Variants in AUTS2 observed in about 807,000 individuals in gnomAD.
AUTS2 encodes the protein autism susceptibility gene 2 protein.
Under a neutral mutation model 112.4 loss-of-function variants are expected in AUTS2, and 17 were observed. That is an observed-to-expected ratio of 0.15 (90% CI 0.10 to 0.23). The LOEUF (loss-of-function observed/expected upper bound fraction) is 0.23, where lower values mean the gene tolerates loss of function less well. Among genes scored for constraint, AUTS2 ranks in the 10% least tolerant of loss-of-function variants. The pLI is 1.00. For synonymous variants in AUTS2, 751 were observed against 702.7 expected, an observed-to-expected ratio of 1.07 and a Z score of -1.09; for missense variants, 1,510 against 1,701.6, an observed-to-expected ratio of 0.89 and a Z score of 1.98.
chr7:69,696,738 T>A (rs931586122), intron 1 of AUTS2, among the ~76,000 whole-genome samples: 1 of 152,246 alleles, frequency 6.6e-6, no homozygotes, highest in Non-Finnish European at 1.5e-5. Context: ...AATTTTCTAA[T>A]GTGTTCTGGT....
At chr7:70,481,909 C>G (rs1336994778) in intron 5 of AUTS2, among the ~76,000 whole-genome samples, 3 of 152,150 alleles carry the variant, frequency 2.0e-5, no homozygotes, top group Non-Finnish European at 4.4e-5. Flanking sequence ...GTGCTCTATA[C>G]TGCACTCTAA....
intron 2 of AUTS2, among the ~76,000 whole-genome samples, chr7:70,020,528 C>A (rs2129555244): frequency 6.6e-6 from 1 of 152,106 alleles, no homozygotes; most frequent in Middle Eastern, 3.4e-3. Context: ...TTGAGTACTC[C>A]TTTGGAAGGA....
intron 4 of AUTS2, among the ~76,000 whole-genome samples, chr7:70,331,039 G>A (rs899415267): frequency 6.6e-6 from 1 of 152,126 alleles, no homozygotes; most frequent in African/African-American, 2.4e-5. Context: ...CCAGGTTTTG[G>A]TATCAGGATG....
intron 1 of AUTS2, among the ~76,000 whole-genome samples, chr7:69,600,428 T>A (rs58633452): frequency 0.066 from 9,985 of 150,956 alleles, 851 homozygotes; most frequent in African/African-American, 0.19. Flanking sequence ...TGTGTGTGTG[T>A]GTGTGTGTGT....
At chr7:70,366,467 T>C (rs1792575158) in intron 4 of AUTS2, among the ~76,000 whole-genome samples, 1 of 152,108 alleles carries the variant, frequency 6.6e-6, no homozygotes, top group Admixed American at 6.5e-5. Flanking sequence ...TTTGTGGAAG[T>C]AGGTAGCCCT....
At chr7:69,889,351 T>C (rs960086097) in intron 1 of AUTS2, among the ~76,000 whole-genome samples, 2 of 152,244 alleles carry the variant, frequency 1.3e-5, no homozygotes, top group Admixed American at 1.3e-4. Flanking sequence ...TGATACACTG[T>C]AATAAGTACA....
At chr7:70,423,671 A>G (rs1294053985) in intron 4 of AUTS2, among the ~76,000 whole-genome samples, 2 of 152,334 alleles carry the variant, frequency 1.3e-5, no homozygotes, top group East Asian at 3.9e-4. Context: ...AAACACTTCA[A>G]AATTTCAGCT....
intron 1 of AUTS2, among the ~76,000 whole-genome samples, chr7:69,672,980 G>A (rs1796404254): frequency 6.6e-6 from 1 of 152,134 alleles, no homozygotes; most frequent in East Asian, 1.9e-4. Context: ...ACCATTCAGT[G>A]GCTGTTATTT....
chr7:70,304,365 C>T (rs1179929448), intron 4 of AUTS2, among the ~76,000 whole-genome samples: 2 of 152,206 alleles, frequency 1.3e-5, no homozygotes, highest in Non-Finnish European at 2.9e-5. Flanking sequence ...GATACTTCAG[C>T]ATTTTACTTA....
At chr7:70,214,382 A>G (rs1811068148) in intron 4 of AUTS2, among the ~76,000 whole-genome samples, 1 of 152,034 alleles carries the variant, frequency 6.6e-6, no homozygotes, top group African/African-American at 2.4e-5. Context: ...TAATTAAATC[A>G]TTTCACTCCA....
chr7:69,996,029 G>A (rs182038433), intron 2 of AUTS2, among the ~76,000 whole-genome samples: 38 of 152,256 alleles, frequency 2.5e-4, no homozygotes, highest in Admixed American at 7.8e-4. Flanking sequence ...TTCTTTCACC[G>A]TGAGGAATGA....
chr7:69,745,981 C>T (rs1273938986), intron 1 of AUTS2, among the ~76,000 whole-genome samples: 1 of 152,138 alleles, frequency 6.6e-6, no homozygotes, highest in East Asian at 1.9e-4. Flanking sequence ...TCAAGTGATC[C>T]TCCTGCCTCA....
chr7:70,530,082 A>C (rs562500865), intron 5 of AUTS2, among the ~76,000 whole-genome samples: 2 of 152,298 alleles, frequency 1.3e-5, no homozygotes, highest in East Asian at 3.9e-4. Flanking sequence ...AAGTGCGTGA[A>C]TCAAGGGAGA....
At chr7:69,769,024 T>C (rs1250808265) in intron 1 of AUTS2, among the ~76,000 whole-genome samples, 1 of 152,146 alleles carries the variant, frequency 6.6e-6, no homozygotes, top group African/African-American at 2.4e-5. Flanking sequence ...AGGCAGAACA[T>C]GAAGGAAAAA....
At chr7:69,822,928 T>A (rs770534482) in intron 1 of AUTS2, among the ~76,000 whole-genome samples, 4 of 152,188 alleles carry the variant, frequency 2.6e-5, no homozygotes, top group Non-Finnish European at 4.4e-5. Flanking sequence ...GCCCACTTAC[T>A]GCCGAGGTCC....
intron 4 of AUTS2, among the ~76,000 whole-genome samples, chr7:70,269,838 T>C (rs866128646): frequency 6.6e-6 from 1 of 152,340 alleles, no homozygotes. Flanking sequence ...TATTTGCTAT[T>C]GCTTCCTTTT....
intron 2 of AUTS2, among the ~76,000 whole-genome samples, chr7:70,036,247 T>C (rs1243695514): frequency 6.6e-6 from 1 of 152,200 alleles, no homozygotes; most frequent in African/African-American, 2.4e-5. Context: ...TGGAAATGCA[T>C]GCCAAGTTTG....
chr7:70,205,635 A>G (rs1810535284), intron 4 of AUTS2, among the ~76,000 whole-genome samples: 1 of 152,234 alleles, frequency 6.6e-6, no homozygotes. Context: ...GCCTAGGTGT[A>G]TAGCAGACTG....
intron 4 of AUTS2, among the ~76,000 whole-genome samples, chr7:70,411,920 C>CTTTTTTT (rs545022866): frequency 3.8e-5 from 5 of 130,886 alleles, no homozygotes; most frequent in African/African-American, 5.7e-5. Context: ...TTCCTTTTTT[C>CTTTTTTT]TTTTTTTTTT....
Sources: gnomAD v4.1 joint callset for allele counts (sites outside exome capture counted in the v4.1 genomes callset) on GRCh38, gnomAD v4.1.1 for gene constraint, MANE v1.5 for transcripts, NCBI Gene and HGNC (gene_info 2026-07-23, HGNC 2026-07-21) for gene names.